The following CLSTN1 variants were observed in gnomAD, a reference collection of about 807,000 sequenced individuals.
The protein encoded by CLSTN1 is calsyntenin-1.
CLSTN1 carries 28 observed loss-of-function variants against 108.3 expected under a neutral mutation model. The ratio of observed to expected loss-of-function variants is 0.26; its 90% CI spans 0.19 to 0.35. The LOEUF (loss-of-function observed/expected upper bound fraction) is 0.35, where lower values mean the gene tolerates loss of function less well. CLSTN1 is among the 10% of genes least tolerant of loss of function. CLSTN1 has a pLI of 1.00. For synonymous variants in CLSTN1, 524 were observed against 534.9 expected (o/e 0.98, Z 0.28); for missense variants, 1,157 against 1,302.6 (o/e 0.89, Z 1.72).
intron 2 of CLSTN1, among the ~76,000 whole-genome samples, chr1:9,767,126 G>A (rs573454046): frequency 9.2e-5 from 14 of 152,316 alleles, no homozygotes; most frequent in African/African-American, 2.9e-4. Context: ...AGGCACTGAC[G>A]GAGGTTTTGG....
At chr1:9,741,329 GT>G (rs1307354684) in intron 9 of CLSTN1, 73 bp from the exon 10 acceptor site, 1 of 1,433,926 alleles carries the variant, frequency 7.0e-7, no homozygotes, top group Admixed American at 1.9e-5. Context: ...TGGAAACCAA[GT>G]CACCCAACAC....
chr1:9,758,411 T>C (rs971862486), intron 2 of CLSTN1, among the ~76,000 whole-genome samples: 2 of 152,138 alleles, frequency 1.3e-5, no homozygotes, highest in Admixed American at 1.3e-4. Flanking sequence ...CTTTCTGGGT[T>C]CAAGCGATTC....
At chr1:9,766,289 C>A (rs571139645) in intron 2 of CLSTN1, among the ~76,000 whole-genome samples, 2 of 152,318 alleles carry the variant, frequency 1.3e-5, no homozygotes, top group South Asian at 4.1e-4. Flanking sequence ...GAACAGAATG[C>A]ATCATCTTCA....
At chr1:9,808,442 T>C (rs1049238096) in intron 1 of CLSTN1, among the ~76,000 whole-genome samples, 1 of 152,192 alleles carries the variant, frequency 6.6e-6, no homozygotes, top group African/African-American at 2.4e-5. Flanking sequence ...TAAGCATTGT[T>C]TATAACAAAT....
chr1:9,807,904 T>C (rs1654574170), intron 1 of CLSTN1, among the ~76,000 whole-genome samples: 1 of 152,260 alleles, frequency 6.6e-6, no homozygotes, highest in Non-Finnish European at 1.5e-5. Flanking sequence ...TTCTGCCTCC[T>C]TCACAACCCT....
At chr1:9,770,509 G>A (rs961677350) in intron 2 of CLSTN1, among the ~76,000 whole-genome samples, 1 of 152,188 alleles carries the variant, frequency 6.6e-6, no homozygotes, top group African/African-American at 2.4e-5. Flanking sequence ...CTGGGCTGGA[G>A]CCCTGCCTCT....
intron 9 of CLSTN1, 65 bp downstream of exon 9, chr1:9,743,819 A>T (rs190307688): frequency 3.8e-4 from 594 of 1,573,902 alleles, no homozygotes; most frequent in Non-Finnish European, 4.9e-4. Context: ...CAGCCTCCCA[A>T]AGTGCTGGGA....
chr1:9,805,273 T>C (rs1199071691), intron 1 of CLSTN1, among the ~76,000 whole-genome samples: 1 of 152,220 alleles, frequency 6.6e-6, no homozygotes, highest in East Asian at 1.9e-4. Flanking sequence ...AGAAGCAAAT[T>C]ACTGGTGACA....
At chr1:9,731,163 C>CT in intron 18 of CLSTN1, 43 bp downstream of exon 18, 1 of 1,611,756 alleles carries the variant, frequency 6.2e-7, no homozygotes, top group Non-Finnish European at 8.5e-7. Flanking sequence ...AGGCCCTGGC[C>CT]TGTGCTGCCT....
In CLSTN1 at chr1:9,734,431, C is replaced by T. The variant is rs960168091; in HGVS notation, c.2111-289G>A. On this transcript the variant is annotated intron_variant, in intron 14 of 18. Transcript: ENST00000377298. The surrounding 1 kb of genome is among the most constrained non-coding windows in gnomAD (Gnocchi z 4.8). ...CTCTACTAAAAATACAAAAATTAAC[C>T]GGGCGTTGTGGCAGGTCCCTGTAAT... 4.6e-5 allele frequency among the ~76,000 whole-genome samples: 7 copies of T among 152,180 alleles called. No homozygotes were observed. The East Asian group carries it at 5.8e-4, about 13-fold the overall frequency.
At chr1:9,799,525 C>T (rs1654159121) in intron 1 of CLSTN1, among the ~76,000 whole-genome samples, 1 of 151,322 alleles carries the variant, frequency 6.6e-6, no homozygotes, top group Admixed American at 6.6e-5. Context: ...CCTGTAGTCC[C>T]AGCTACTTGG....
intron 1 of CLSTN1, among the ~76,000 whole-genome samples, chr1:9,788,614 T>C (rs1327845599): frequency 1.3e-5 from 2 of 150,444 alleles, no homozygotes; most frequent in African/African-American, 4.9e-5. Context: ...ACGCCTGTAA[T>C]CCCAGCACTT....
intron 1 of CLSTN1, among the ~76,000 whole-genome samples, chr1:9,786,940 C>A (rs1228915998): frequency 6.6e-6 from 1 of 151,382 alleles, no homozygotes; most frequent in African/African-American, 2.4e-5. Context: ...CACATCCCAC[C>A]CTGAACACTA....
intron 11 of CLSTN1, among the ~76,000 whole-genome samples, chr1:9,736,327 G>T (rs1650689734): frequency 6.6e-6 from 1 of 152,110 alleles, no homozygotes; most frequent in African/African-American, 2.4e-5. Flanking sequence ...TACCTGGTAA[G>T]GTGGCCTACC....
chr1:9,792,682 T>A (rs1003618685), intron 1 of CLSTN1, among the ~76,000 whole-genome samples: 1 of 151,394 alleles, frequency 6.6e-6, no homozygotes, highest in Non-Finnish European at 1.5e-5. Context: ...AATCCCAGAA[T>A]ACCCCAGAGA....
At chr1:9,800,225 A>G (rs934805131) in intron 1 of CLSTN1, among the ~76,000 whole-genome samples, 1 of 152,078 alleles carries the variant, frequency 6.6e-6, no homozygotes, top group African/African-American at 2.4e-5. Context: ...TGAAATAAAA[A>G]CTGAAACAAA....
rs113740510 is a variant in CLSTN1 at position 9,755,392 on chromosome 1, C to T, written c.245-83G>A. 4.3e-6 allele frequency: 5 copies of T among 1,170,582 alleles called. No homozygotes were observed. In the African/African-American group the frequency reaches 6.1e-5, roughly 14 times the overall value. 72.5% of individuals were successfully genotyped at this position (1,170,582 alleles called of 1,614,324 possible). On this transcript the variant is annotated intron_variant, in intron 3 of 18. Transcript: ENST00000377298. ...GCCCTCCTCCCCCCATCTCCACCCC[C>T]AAAGAAAATAAATGACAACAATTTG...
chr1:9,775,421 G>C lies in CLSTN1; in HGVS notation c.92-2027C>G, dbSNP rs180796119. On this transcript the variant is annotated intron_variant, in intron 1 of 18. Coordinates refer to ENST00000377298, the MANE Select transcript of CLSTN1 (RefSeq NM_001009566.3). ...GGACTCTACCAGAACTGCTACTTTT[G>C]CTTTTCTGGCCGCTGCTGACCTCAC... Among the ~76,000 whole-genome samples, 7 of 151,938 alleles carry C rather than the reference G, an allele frequency of 4.6e-5. No homozygotes were observed. In the East Asian group the frequency reaches 1.4e-3, roughly 29 times the overall value.
chr1:9,756,515 A>C lies in CLSTN1; in HGVS notation c.215-5T>G. 5 of 1,612,372 alleles carry C rather than the reference A, an allele frequency of 3.1e-6. No homozygotes were observed. Among genetic ancestry groups the C allele is most frequent in the Non-Finnish European group, 4.2e-6 (5 of 1,178,616 alleles). Reference sequence around the variant, plus strand: ...TGACTGTCACCTCAAAACTCTCTAAAGGGAGAAAAGATAAGCCCATGTCAG... The same window carrying C: ...TGACTGTCACCTCAAAACTCTCTAACGGGAGAAAAGATAAGCCCATGTCAG... On this transcript the variant is annotated splice_polypyrimidine_tract_variant and splice_region_variant and intron_variant, in intron 2 of 18. Transcript: ENST00000377298.
Sources: allele counts gnomAD v4.1 joint callset (sites outside exome capture counted in the v4.1 genomes callset), GRCh38; gene constraint gnomAD v4.1.1; non-coding constraint Gnocchi (gnomAD v3.1); transcripts MANE v1.5; gene names NCBI Gene and HGNC (gene_info 2026-07-23, HGNC 2026-07-21).